The following VEZT variants were observed in gnomAD, a reference collection of about 807,000 sequenced individuals.
VEZT encodes the protein vezatin.
Under a neutral mutation model 79.9 loss-of-function variants are expected in VEZT, and 39 were observed. The observed-to-expected ratio is 0.49, with a 90% CI of 0.38 to 0.64. VEZT has a LOEUF of 0.64. Ranked by LOEUF, VEZT falls within the 30% of genes least tolerant of loss-of-function variation. The pLI, the probability that VEZT is intolerant of heterozygous loss-of-function variation, is 0.00. For synonymous variants in VEZT, 325 were observed against 327.6 expected, an observed-to-expected ratio of 0.99 and a Z score of 0.09; for missense variants, 837 against 893.1, an observed-to-expected ratio of 0.94 and a Z score of 0.80.
At chr12:95,258,085 C>T (rs575967559) in intron 3 of VEZT, among the ~76,000 whole-genome samples, 7 of 152,224 alleles carry the variant, frequency 4.6e-5, no homozygotes, top group Admixed American at 6.5e-5. Flanking sequence ...AGCATACGAC[C>T]TCTCTAGCTC....
intron 8 of VEZT, chr12:95,286,194 G>A: frequency 4.2e-6 from 1 of 238,466 alleles, no homozygotes; most frequent in Non-Finnish European, 8.1e-6. Flanking sequence ...GTTTCACCAT[G>A]TTGGCCAGGC....
intron 6 of VEZT, among the ~76,000 whole-genome samples, chr12:95,272,804 T>A (rs2066888839): frequency 6.6e-6 from 1 of 152,222 alleles, no homozygotes. Flanking sequence ...TCACCCAGAC[T>A]GGAGTGTGGT....
intron 7 of VEZT, among the ~76,000 whole-genome samples, chr12:95,275,442 A>T (rs2067467882): frequency 1.3e-5 from 2 of 152,092 alleles, no homozygotes; most frequent in South Asian, 2.1e-4. Flanking sequence ...TCTACTAAAA[A>T]TACAAAAATT....
chr12:95,240,761 G>C (rs1460200699), intron 1 of VEZT, among the ~76,000 whole-genome samples: 1 of 152,070 alleles, frequency 6.6e-6, no homozygotes, highest in Non-Finnish European at 1.5e-5. Context: ...TTCCATTTTG[G>C]TCATTGCTTT....
chr12:95,242,125 A>T (rs77545174), intron 1 of VEZT: 3 of 152,180 alleles, frequency 2.0e-5, no homozygotes, highest in Admixed American at 6.5e-5. Context: ...GATCTTATCT[A>T]TATTAACATT....
intron 1 of VEZT, 35 bp from the exon 2 acceptor site, chr12:95,251,905 A>G: frequency 6.3e-7 from 1 of 1,597,310 alleles, no homozygotes; most frequent in Non-Finnish European, 8.5e-7. Flanking sequence ...AGTAGTAATG[A>G]TCTTGAAATT....
chr12:95,295,653 A>G (rs1324765356), intron 10 of VEZT, among the ~76,000 whole-genome samples: 2 of 152,122 alleles, frequency 1.3e-5, no homozygotes, highest in African/African-American at 4.8e-5. Flanking sequence ...AGAATGTTCA[A>G]ACTTCCTGGG....
chr12:95,250,405 C>T (rs1344529052), intron 1 of VEZT, among the ~76,000 whole-genome samples: 1 of 150,346 alleles, frequency 6.7e-6, no homozygotes, highest in Non-Finnish European at 1.5e-5. Flanking sequence ...CAGGTTCAAG[C>T]CATTCTCCCG....
chr12:95,235,965 A>G (rs1410285741), intron 1 of VEZT, among the ~76,000 whole-genome samples: 33 of 148,134 alleles, frequency 2.2e-4, no homozygotes, highest in Non-Finnish European at 3.8e-4. Flanking sequence ...GGCGCTCCTC[A>G]CTTCCTAGAT....
Position 95,296,064 on chromosome 12 carries a change from A to G in VEZT, c.1637A>G (p.Tyr546Cys), listed in dbSNP as rs1392781971. ...PIPEEQELEA[Y>C]VDDIDIDSDF... ...ATTCATTTTCAGGAATTAGAAGCTT[A>G]TGTAGATGATATAGATATTGATAGT... Residue 546 changes from tyrosine (Y) to cysteine (C), a missense_variant, in exon 11 of 12, where the codon TAT becomes TGT. By Grantham distance (194) the Tyr-to-Cys change is radical. Transcript: ENST00000436874. The G allele has an allele frequency of 5.2e-6, 8 of 1,549,216 alleles. No individual in the cohort carries two copies. The highest frequency in any genetic ancestry group is 1.4e-5 in the African/African-American group (1 of 72,980).
chr12:95,229,499 T>C (rs1043269320), intron 1 of VEZT, among the ~76,000 whole-genome samples: 59 of 152,208 alleles, frequency 3.9e-4, no homozygotes, highest in Non-Finnish European at 6.2e-4. Flanking sequence ...TCATCCTTTA[T>C]ACCATATCAT....
At chr12:95,289,513 A>G (rs2072132230) in intron 9 of VEZT, among the ~76,000 whole-genome samples, 1 of 151,326 alleles carries the variant, frequency 6.6e-6, no homozygotes, top group African/African-American at 2.4e-5. Context: ...TCGCTTATCC[A>G]CTATTGTTAA....
intron 1 of VEZT, among the ~76,000 whole-genome samples, chr12:95,245,955 G>A (rs1034638572): frequency 1.1e-4 from 16 of 152,146 alleles, no homozygotes; most frequent in African/African-American, 3.1e-4. Flanking sequence ...CTCCAGCCTG[G>A]GTGACAGAGA....
chr12:95,288,989 G>C (rs1211267056), intron 9 of VEZT, among the ~76,000 whole-genome samples: 1 of 151,720 alleles, frequency 6.6e-6, no homozygotes, highest in African/African-American at 2.4e-5. Flanking sequence ...TGAGGCAGGA[G>C]GATTGCTTAA....
chr12:95,235,709 C>CG (rs1212229418), intron 1 of VEZT, among the ~76,000 whole-genome samples: 1 of 148,138 alleles, frequency 6.8e-6, no homozygotes, highest in Non-Finnish European at 1.5e-5. Flanking sequence ...GCTGGCCGGG[C>CG]GGGGGGCTGA....
chr12:95,300,288 C>T lies in VEZT; in HGVS notation c.1955C>T (p.Ala652Val), dbSNP rs772083217. ...NDTEEESNKS[A>V]TTDNEISRTE... ...ACTGAAGAGGAAAGTAATAAATCCG[C>T]CACAACAGACAATGAAATAAGTAGG... The change falls in exon 12 of 12, where the codon GCC becomes GTC. Residue 652 changes from alanine to valine, a missense_variant. Physicochemically the swap from Ala to Val is moderately conservative, Grantham distance 64 (BLOSUM62 0). Coordinates refer to ENST00000436874, the MANE Select transcript of VEZT (RefSeq NM_017599.4). The T allele has an allele frequency of 2.5e-6, 4 of 1,605,464 alleles. No individual in the cohort carries two copies. In the Admixed American group the frequency reaches 5.1e-5, roughly 20 times the overall value.
intron 7 of VEZT, among the ~76,000 whole-genome samples, chr12:95,280,261 G>A (rs142192653): frequency 4.3e-3 from 657 of 151,988 alleles, no homozygotes; most frequent in Non-Finnish European, 6.5e-3. Flanking sequence ...GGCCCCAGCC[G>A]TACTGAGCTT....
rs2063606797 is a variant in VEZT, at chr12:95,257,216, A to G, written c.235A>G (p.Lys79Glu). ...GATTTTTTTTTCTCAGTGCAATAAG[A>G]AAGATGACTTACTTCACAAGTTGGT... ...SWIFFSQCNKKDDLLHKLDIG... is the reference protein window; with the variant it reads ...SWIFFSQCNKEDDLLHKLDIG... The change falls in exon 3 of 12, where the codon AAA (lysine) becomes GAA (glutamate). Residue 79 changes from lysine (K) to glutamate (E), a missense_variant. Transcript: ENST00000436874. 1 of 1,610,490 alleles carries G rather than the reference A, an allele frequency of 6.2e-7. No individual in the cohort carries two copies. The highest frequency in any genetic ancestry group is 8.5e-7 in the Non-Finnish European group (1 of 1,178,394).
At chr12:95,240,072 G>GAA (rs1566041511) in intron 1 of VEZT, among the ~76,000 whole-genome samples, 1 of 78,966 alleles carries the variant, frequency 1.3e-5, no homozygotes, top group Non-Finnish European at 3.0e-5. Flanking sequence ...AAGGAAGGAA[G>GAA]GAAGAAAAGA....
Sources: allele counts gnomAD v4.1 joint callset (sites outside exome capture counted in the v4.1 genomes callset), GRCh38; gene constraint gnomAD v4.1.1; transcripts MANE v1.5; gene names NCBI Gene and HGNC (gene_info 2026-07-23, HGNC 2026-07-21).